TWIST2: variants seen among roughly 807,000 people sequenced by gnomAD.
TWIST2 encodes the protein twist-related protein 2.
In TWIST2, 1 loss-of-function variant was observed where a neutral mutation model predicts 11.6. That is an observed-to-expected ratio of 0.09 (90% CI 0.03 to 0.41). The LOEUF is 0.41. Ranked by LOEUF, TWIST2 falls within the 10% of genes least tolerant of loss-of-function variation. TWIST2 has a pLI of 0.98. For missense variants in TWIST2, 168 were observed against 226.4 expected (o/e 0.74, Z 1.66); for synonymous variants, 87 against 96.6 (o/e 0.90, Z 0.58).
At chr2:238,891,277 A>G (rs1020074729) in intron 1 of TWIST2, among the ~76,000 whole-genome samples, 2 of 151,934 alleles carry the variant, frequency 1.3e-5, no homozygotes, top group Non-Finnish European at 2.9e-5. Flanking sequence ...CTCCTGGTAA[A>G]CCTCTCTCAG....
At chr2:238,906,522 A>C (rs1268711558) in intron 1 of TWIST2, among the ~76,000 whole-genome samples, 1 of 152,118 alleles carries the variant, frequency 6.6e-6, no homozygotes, top group Non-Finnish European at 1.5e-5. Context: ...ACATGCATGC[A>C]CACTGGCACA....
chr2:238,862,842 A>C (rs1249181570), intron 1 of TWIST2, among the ~76,000 whole-genome samples: 2 of 152,206 alleles, frequency 1.3e-5, no homozygotes, highest in African/African-American at 2.4e-5. Context: ...AACACTATGC[A>C]GTCAGCAAAT....
intron 1 of TWIST2, among the ~76,000 whole-genome samples, chr2:238,909,433 C>T (rs1693415513): frequency 6.6e-6 from 1 of 152,156 alleles, no homozygotes; most frequent in Admixed American, 6.5e-5. Flanking sequence ...CCCCACAGCT[C>T]CCTCGGGCCT....
chr2:238,868,730 C>T (rs143000162), intron 1 of TWIST2, among the ~76,000 whole-genome samples: 226 of 152,328 alleles, frequency 1.5e-3, no homozygotes, highest in African/African-American at 5.3e-3. Context: ...CCCACACACT[C>T]GGGCATTGTT....
chr2:238,853,479 G>A (rs970648827), intron 1 of TWIST2, among the ~76,000 whole-genome samples: 1 of 148,712 alleles, frequency 6.7e-6, no homozygotes, highest in African/African-American at 2.5e-5. Context: ...GAGAGAGAGA[G>A]AAACTCAAAC....
At chr2:238,892,394 C>T (rs72988259) in intron 1 of TWIST2, among the ~76,000 whole-genome samples, 18,042 of 152,258 alleles carry the variant, frequency 0.12, 1,451 homozygotes, top group East Asian at 0.44. Context: ...CTTCCCCAGT[C>T]GCCTGTCCAG....
Position 238,910,302 on chromosome 2 carries a change from T to TC in TWIST2, c.*501dup, listed in dbSNP as rs1693431996. 1 of 152,064 alleles carries TC rather than the reference T, an allele frequency of 6.6e-6. No individual in the cohort carries two copies. Among genetic ancestry groups the TC allele is most frequent in the South Asian group, 2.1e-4 (1 of 4,810 alleles). The allele number at this position is 152,064 out of a possible 1,614,324, so 9.4% of individuals were successfully genotyped here. ...AAGAGGACCCCCGAGTTCCTTCCCC[T>TC]CCCCCGAGCCTCTGCATGATTGTTT... On this transcript the variant is annotated 3_prime_UTR_variant, in exon 2 of 2. Transcript: ENST00000612363.
chr2:238,905,926 C>CGTGTGCGCGTGT (rs1266655953), intron 1 of TWIST2, among the ~76,000 whole-genome samples: 1 of 103,800 alleles, frequency 9.6e-6, no homozygotes, highest in Non-Finnish European at 1.9e-5. Flanking sequence ...TGCAGGTGTG[C>CGTGTGCGCGTGT]GTGTGCGCGT....
At chr2:238,848,900 TCA>T (rs1394356756) in intron 1 of TWIST2, among the ~76,000 whole-genome samples, 167 bp downstream of exon 1, 1 of 151,962 alleles carries the variant, frequency 6.6e-6, no homozygotes, top group African/African-American at 2.4e-5. Flanking sequence ...GGCGGGACGC[TCA>T]CAGTCCCAGG....
intron 1 of TWIST2, among the ~76,000 whole-genome samples, chr2:238,849,642 G>C (rs959096808): frequency 1.3e-5 from 2 of 152,226 alleles, no homozygotes; most frequent in Non-Finnish European, 2.9e-5. Context: ...GGCTGTGCGC[G>C]CCGGGCCCTG....
chr2:238,899,943 T>TA (rs1219067505), intron 1 of TWIST2, among the ~76,000 whole-genome samples: 7 of 151,780 alleles, frequency 4.6e-5, no homozygotes, highest in African/African-American at 1.7e-4. Flanking sequence ...TGAAGTGCTC[T>TA]AAAAAAATAA....
intron 1 of TWIST2, among the ~76,000 whole-genome samples, chr2:238,908,268 C>A (rs1693389844): frequency 1.4e-5 from 2 of 140,480 alleles, no homozygotes; most frequent in Non-Finnish European, 3.1e-5. Flanking sequence ...ACACCATGCA[C>A]CATACATACC....
At chr2:238,869,139 G>A (rs565348772) in intron 1 of TWIST2, among the ~76,000 whole-genome samples, 13 of 152,322 alleles carry the variant, frequency 8.5e-5, no homozygotes, top group South Asian at 6.2e-4. Context: ...GCCTGCTTCC[G>A]AAGCGAGCAA....
At chr2:238,870,544 C>G (rs1359194812) in intron 1 of TWIST2, among the ~76,000 whole-genome samples, 1 of 129,792 alleles carries the variant, frequency 7.7e-6, no homozygotes, top group African/African-American at 3.0e-5. Context: ...CTACATACCC[C>G]ACACACCCCA....
At chr2:238,848,789 C>A in intron 1 of TWIST2, 56 bp downstream of exon 1, 1 of 1,287,650 alleles carries the variant, frequency 7.8e-7, no homozygotes, top group Non-Finnish European at 9.8e-7. Flanking sequence ...GCGGCAGGGG[C>A]GCAGGGGCAT....
At chr2:238,878,484 G>C (rs1692845566) in intron 1 of TWIST2, among the ~76,000 whole-genome samples, 1 of 152,198 alleles carries the variant, frequency 6.6e-6, no homozygotes, top group Non-Finnish European at 1.5e-5. Context: ...TTAAGGCCAT[G>C]GGAATCTGCA....
chr2:238,863,903 C>G lies in TWIST2; in HGVS notation c.*35+15170C>G, dbSNP rs1418805063. ...GTCGGCCGTAGAGTAGGTCTACCCC[C>G]TATCCTGGGGGCATCCCTGTGTGCC... On this transcript the variant is annotated intron_variant, in intron 1 of 1. Coordinates refer to ENST00000612363, the MANE Select transcript of TWIST2 (RefSeq NM_001271893.4). This position sits in a 1 kb window ranked among gnomAD's most constrained non-coding sequence, Gnocchi z 4.7. Among the ~76,000 whole-genome samples, 1 of 152,118 alleles carries G rather than the reference C, an allele frequency of 6.6e-6. No individual in the cohort carries two copies. The highest frequency in any genetic ancestry group is 1.5e-5 in the Non-Finnish European group (1 of 68,016).
chr2:238,864,728 G>A lies in TWIST2; in HGVS notation c.*35+15995G>A, dbSNP rs1391329515. On this transcript the variant is annotated intron_variant, in intron 1 of 1. Coordinates refer to ENST00000612363, the MANE Select transcript of TWIST2 (RefSeq NM_001271893.4). This position sits in a 1 kb window ranked among gnomAD's most constrained non-coding sequence, Gnocchi z 4.7. The stretch of plus-strand genomic sequence containing the variant: ...ACACTGCCCTGGGGTCCACCCTGCC[G>A]CGGGGTCCACTTGGTATAGGCACCC... Among the ~76,000 whole-genome samples, 2 of 152,146 alleles carry A rather than the reference G, an allele frequency of 1.3e-5. No individual in the cohort carries two copies. Among genetic ancestry groups the A allele is most frequent in the African/African-American group, 2.4e-5 (1 of 41,436 alleles).
intron 1 of TWIST2, among the ~76,000 whole-genome samples, chr2:238,861,279 A>G (rs1222827389): frequency 1.3e-5 from 2 of 152,176 alleles, no homozygotes; most frequent in Non-Finnish European, 2.9e-5. Flanking sequence ...TGAGCACGAT[A>G]TTCACATTCG....
Sources: allele counts gnomAD v4.1 joint callset (sites outside exome capture counted in the v4.1 genomes callset), GRCh38; gene constraint gnomAD v4.1.1; non-coding constraint Gnocchi (gnomAD v3.1); transcripts MANE v1.5; gene names NCBI Gene and HGNC (gene_info 2026-07-23, HGNC 2026-07-21).